The following MYO7A variants were observed in gnomAD, a reference collection of about 807,000 sequenced individuals.
MYO7A encodes the protein unconventional myosin-VIIa.
MYO7A carries 210 observed loss-of-function variants against 263.8 expected under a neutral mutation model. The ratio of observed to expected loss-of-function variants is 0.80; its 90% CI spans 0.71 to 0.89. The LOEUF is 0.89. Ranked by LOEUF, MYO7A falls within the 40% of genes least tolerant of loss-of-function variation. The pLI, the probability that MYO7A is intolerant of heterozygous loss-of-function variation, is 0.00. For synonymous variants in MYO7A, 1,239 were observed against 1,197.3 expected, an observed-to-expected ratio of 1.03 and a Z score of -0.72; for missense variants, 2,820 against 2,968.3, an observed-to-expected ratio of 0.95 and a Z score of 1.16.
chr11:77,160,405 C>T (rs1456354783), intron 11 of MYO7A, 123 bp downstream of exon 11: 50 of 1,369,960 alleles, frequency 3.6e-5, no homozygotes, highest in East Asian at 5.1e-5. Context: ...CTGCCTGCCC[C>T]GGGGCTGCAG....
intron 3 of MYO7A, among the ~76,000 whole-genome samples, chr11:77,146,440 G>A (rs1309085050): frequency 1.3e-5 from 2 of 152,192 alleles, no homozygotes; most frequent in Non-Finnish European, 2.9e-5. Context: ...GGCCGGGGCC[G>A]GGCCAGTGAG....
rs1277357047 is a variant in MYO7A, at chr11:77,159,342, C to A, written c.1004-105C>A. 6 of 1,024,164 alleles carry A rather than the reference C, an allele frequency of 5.9e-6. No individual in the cohort carries two copies. The African/African-American group carries it at 6.2e-5, about 11-fold the overall frequency. 63.4% of individuals were successfully genotyped at this position (1,024,164 alleles called of 1,614,324 possible). A position where few individuals can be genotyped will look rare whatever the true frequency, so the allele number is the denominator to read the frequency against. ...ATGCTGATGCCCTCCCTGGACAGGG[C>A]AGGACCCCGGCAGCAGGAGTGGCAG... On this transcript the variant is annotated intron_variant, in intron 9 of 48. Coordinates refer to ENST00000409709, the MANE Select transcript of MYO7A (RefSeq NM_000260.4).
chr11:77,168,839 C>G (rs993937977), intron 15 of MYO7A, among the ~76,000 whole-genome samples: 3 of 152,096 alleles, frequency 2.0e-5, no homozygotes, highest in Non-Finnish European at 4.4e-5. Flanking sequence ...CCAGAGAGGC[C>G]AAGGTGCTCA....
Position 77,213,014 on chromosome 11 carries a change from C to A in MYO7A, c.6417C>A (p.Ser2139Arg). Reference sequence around the variant, plus strand: ...TTGCCATCAACAAGTATGGGGTCAGCCTCATCGATCCCAAAACGAAGGTGA... The same window carrying A: ...TTGCCATCAACAAGTATGGGGTCAGACTCATCGATCCCAAAACGAAGGTGA... Reference protein sequence around the residue: ...LLIAINKYGVSLIDPKTKDIL... With the variant: ...LLIAINKYGVRLIDPKTKDIL... Residue 2139 changes from serine to arginine, a missense_variant, in exon 47 of 49, where the codon AGC (serine) becomes AGA (arginine). Ser to Arg is a moderately radical substitution (Grantham distance 110, BLOSUM62 -1). Transcript: ENST00000409709. The A allele has an allele frequency of 6.3e-7, 1 of 1,583,930 alleles. No homozygotes were observed. The highest frequency in any genetic ancestry group is 8.6e-7 in the Non-Finnish European group (1 of 1,164,188).
intron 4 of MYO7A, among the ~76,000 whole-genome samples, chr11:77,154,219 C>G (rs1952230624): frequency 6.6e-6 from 1 of 152,216 alleles, no homozygotes; most frequent in East Asian, 1.9e-4. Flanking sequence ...GTTAACCTCC[C>G]CTTTTACAAA....
In MYO7A at chr11:77,148,583, A is replaced by G. The variant is rs191698576; in HGVS notation, c.285+633A>G. Among the ~76,000 whole-genome samples the G allele has an allele frequency of 2.0e-3, 310 of 152,130 alleles. 3 individuals carry two copies. The highest frequency in any genetic ancestry group is 7.3e-3 in the African/African-American group (303 of 41,492). ...CAATAAGGGCCCGTGGAGATCATTT[A>G]CTCTAGAGGTTCTCACACTTTTTGG... On this transcript the variant is annotated intron_variant, in intron 4 of 48. Transcript: ENST00000409709.
At chr11:77,167,988 C>T (rs559807758) in intron 15 of MYO7A, among the ~76,000 whole-genome samples, 72 of 152,300 alleles carry the variant, frequency 4.7e-4, no homozygotes, top group African/African-American at 1.3e-3. Flanking sequence ...AGGAGAGTCC[C>T]CACCCGAAAG....
At chr11:77,190,668 C>T (rs1955993141) in intron 29 of MYO7A, 29 bp from the exon 30 acceptor site, 1 of 1,565,754 alleles carries the variant, frequency 6.4e-7, no homozygotes. Flanking sequence ...AGGGAAGGGA[C>T]CCCACAAACC....
At chr11:77,167,971 G>A (rs1443341909) in intron 15 of MYO7A, among the ~76,000 whole-genome samples, 1 of 152,170 alleles carries the variant, frequency 6.6e-6, no homozygotes, top group Non-Finnish European at 1.5e-5. Context: ...TCGAAGCACT[G>A]GCACCCAGGA....
Position 77,145,561 on chromosome 11 carries a change from G to A in MYO7A, c.133-2237G>A, listed in dbSNP as rs574602643. On this transcript the variant is annotated intron_variant, in intron 3 of 48. Transcript: ENST00000409709. ...CCCCTCCTGTCCACACTGGGGCCTG[G>A]GACAGAGGCAGGGAGCGGGGACCGC... Among the ~76,000 whole-genome samples the A allele has an allele frequency of 1.3e-3, 196 of 152,298 alleles. 3 individuals carry two copies. Among genetic ancestry groups the A allele is most frequent in the Admixed American group, 2.5e-3 (38 of 15,306 alleles).
Position 77,147,965 on chromosome 11 carries a change from G to A in MYO7A, c.285+15G>A, listed in dbSNP as rs561698001. 16 of 1,521,848 alleles carry A rather than the reference G, an allele frequency of 1.1e-5. No homozygotes were observed. The highest frequency in any genetic ancestry group is 1.4e-5 in the African/African-American group (1 of 71,764). 94.3% of individuals were successfully genotyped at this position (1,521,848 alleles called of 1,614,324 possible). ...ACCTCATCTACGTGAGTGCCGCCCC[G>A]CCCGGTGCCCGTCCAGGCCCCCTCA... On this transcript the variant is annotated intron_variant, in intron 4 of 48. Transcript: ENST00000409709.
intron 34 of MYO7A, 42 bp downstream of exon 34, chr11:77,198,663 GGA>G: frequency 1.9e-6 from 3 of 1,611,474 alleles, no homozygotes; most frequent in Non-Finnish European, 2.5e-6. Flanking sequence ...CAGAGGGGAA[GGA>G]GAGGGGCTGG....
intron 27 of MYO7A, chr11:77,185,111 A>G (rs1555087709): frequency 5.5e-6 from 2 of 365,966 alleles, no homozygotes; most frequent in Non-Finnish European, 1.1e-5. Context: ...TTAATGCCAA[A>G]AATGCTAATG....
At chr11:77,187,454 C>T (rs559690088) in intron 27 of MYO7A, among the ~76,000 whole-genome samples, 1 of 152,268 alleles carries the variant, frequency 6.6e-6, no homozygotes, top group East Asian at 1.9e-4. Context: ...AGTAAGCGCC[C>T]CGTAGATGGT....
chr11:77,167,956 G>A (rs1021518414), intron 15 of MYO7A, among the ~76,000 whole-genome samples: 9 of 152,186 alleles, frequency 5.9e-5, no homozygotes, highest in African/African-American at 2.2e-4. Flanking sequence ...GGGAGTCCCA[G>A]GCACTCGAAG....
At chr11:77,175,222 G>C (rs1954529095) in intron 17 of MYO7A, 150 bp from the exon 18 acceptor site, 2 of 724,690 alleles carry the variant, frequency 2.8e-6, no homozygotes, top group African/African-American at 3.5e-5. Flanking sequence ...AGAAAACTGG[G>C]GCTCAGAGAA....
intron 30 of MYO7A, 197 bp downstream of exon 30, chr11:77,191,067 A>T: frequency 1.8e-6 from 1 of 549,060 alleles, no homozygotes; most frequent in Non-Finnish European, 3.1e-6. Context: ...CACACCTGTA[A>T]TCCCAGCACT....
chr11:77,150,889 G>A (rs1170115417), intron 4 of MYO7A, among the ~76,000 whole-genome samples: 1 of 152,198 alleles, frequency 6.6e-6, no homozygotes, highest in African/African-American at 2.4e-5. Context: ...AAGCAACTGG[G>A]CCATCGTCCC....
chr11:77,172,630 G>C, intron 15 of MYO7A, 118 bp from the exon 16 acceptor site: 1 of 1,334,474 alleles, frequency 7.5e-7, no homozygotes, highest in Non-Finnish European at 1.0e-6. Context: ...TTCAAATACC[G>C]CCCTGTCCCT....
Sources: gnomAD v4.1 joint callset for allele counts (sites outside exome capture counted in the v4.1 genomes callset) on GRCh38, gnomAD v4.1.1 for gene constraint, MANE v1.5 for transcripts, NCBI Gene and HGNC (gene_info 2026-07-23, HGNC 2026-07-21) for gene names.